MACROD2: variants seen among roughly 807,000 people sequenced by gnomAD.
MACROD2 encodes the protein mono-ADP ribosylhydrolase 2.
In MACROD2, 36 loss-of-function variants were observed where a neutral mutation model predicts 70.4. That is an observed-to-expected ratio of 0.51 (90% confidence interval 0.39 to 0.68). MACROD2 has a LOEUF of 0.68. Among genes scored for constraint, MACROD2 ranks in the 30% least tolerant of loss-of-function variants. The probability of loss-of-function intolerance (pLI) is 0.00; values close to 1 mark genes in which losing one functional copy is unlikely to be tolerated. For synonymous variants in MACROD2, 172 were observed against 178.8 expected (o/e 0.96, Z 0.30); for missense variants, 496 against 538.4 (o/e 0.92, Z 0.78).
intron 6 of MACROD2, among the ~76,000 whole-genome samples, chr20:15,348,047 C>T (rs2078185777): frequency 6.6e-6 from 1 of 152,212 alleles, no homozygotes. Context: ...CACAATCTTT[C>T]CATCTACCTC....
chr20:14,191,074 G>A (rs1225886612), intron 3 of MACROD2, among the ~76,000 whole-genome samples: 1 of 151,392 alleles, frequency 6.6e-6, no homozygotes, highest in Non-Finnish European at 1.5e-5. Context: ...AAATCTCAGA[G>A]GCACATTACA....
At chr20:15,890,927 G>A (rs761473656) in intron 10 of MACROD2, among the ~76,000 whole-genome samples, 2 of 152,142 alleles carry the variant, frequency 1.3e-5, no homozygotes, top group Non-Finnish European at 2.9e-5. Context: ...AATTTGAAAT[G>A]AAATTCTCAA....
intron 4 of MACROD2, among the ~76,000 whole-genome samples, chr20:14,570,700 T>C (rs1421415767): frequency 1.3e-5 from 2 of 152,018 alleles, no homozygotes; most frequent in African/African-American, 2.4e-5. Context: ...TTTCAAACTT[T>C]CCTGATCCTT....
intron 8 of MACROD2, among the ~76,000 whole-genome samples, chr20:15,602,470 G>A (rs532592209): frequency 2.6e-5 from 4 of 152,284 alleles, no homozygotes; most frequent in African/African-American, 7.2e-5. Flanking sequence ...CTTTCTGCAT[G>A]CATATCTTCA....
At chr20:14,184,509 GT>G (rs927074670) in intron 3 of MACROD2, among the ~76,000 whole-genome samples, 66 of 142,744 alleles carry the variant, frequency 4.6e-4, no homozygotes, top group South Asian at 4.4e-4. Flanking sequence ...AGGCTATTTG[GT>G]TTTTTTTTTT....
rs542446649 is a variant in MACROD2 at position 14,259,685 on chromosome 20, T to TGGGGATGCAGACAAGA, written c.271+173958_271+173973dup. On this transcript the variant is annotated intron_variant, in intron 3 of 17. Coordinates refer to ENST00000684519, the MANE Select transcript of MACROD2 (RefSeq NM_001351661.2). ...TTTCTTCAGGGAGCTGCTGGCCTAA[T>TGGGGATGCAGACAAGA]GGGGATGCAGACAAGAAGAAAGAGA... 2.0e-3 allele frequency among the ~76,000 whole-genome samples: 308 copies of TGGGGATGCAGACAAGA among 152,294 alleles called. 1 individual carries two copies. The highest frequency in any genetic ancestry group is 7.1e-3 in the African/African-American group (297 of 41,574).
At chr20:14,763,256 A>T (rs1411477860) in intron 5 of MACROD2, among the ~76,000 whole-genome samples, 3 of 152,158 alleles carry the variant, frequency 2.0e-5, no homozygotes, top group Non-Finnish European at 4.4e-5. Context: ...AAAGGTATTC[A>T]CAACATACAG....
chr20:15,472,604 T>A (rs2046976027), intron 7 of MACROD2, among the ~76,000 whole-genome samples: 1 of 152,196 alleles, frequency 6.6e-6, no homozygotes, highest in African/African-American at 2.4e-5. Flanking sequence ...TGTTCCCACA[T>A]GTAATTTGTT....
In MACROD2 at chr20:16,050,182, A is replaced by G. The variant is rs564744055; in HGVS notation, c.*306A>G. The G allele has an allele frequency of 2.9e-5, 8 of 271,598 alleles. No individual in the cohort carries two copies. In the East Asian group the frequency reaches 6.8e-4, roughly 23 times the overall value. 16.8% of individuals were successfully genotyped at this position (271,598 alleles called of 1,614,324 possible). A position where few individuals can be genotyped will look rare whatever the true frequency, so the allele number is the denominator to read the frequency against. On this transcript the variant is annotated 3_prime_UTR_variant, in exon 18 of 18. Transcript: ENST00000684519. ...CCCCAGGGTCACAGTGGCTTGATTG[A>G]ACACTCACATGTGTATCCTGGCCCC...
intron 7 of MACROD2, among the ~76,000 whole-genome samples, chr20:15,442,814 G>A (rs915184899): frequency 2.0e-5 from 3 of 152,240 alleles, no homozygotes; most frequent in South Asian, 4.1e-4. Flanking sequence ...TCAGCCACCC[G>A]TAATGGGTAC....
At chr20:15,602,593 A>T (rs1208327086) in intron 8 of MACROD2, among the ~76,000 whole-genome samples, 1 of 152,158 alleles carries the variant, frequency 6.6e-6, no homozygotes, top group Non-Finnish European at 1.5e-5. Flanking sequence ...CCCAGGATCT[A>T]TGAAGAATGT....
chr20:14,771,737 TACACACACACACACAC>T (rs11472593), intron 5 of MACROD2, among the ~76,000 whole-genome samples: 1 of 145,560 alleles, frequency 6.9e-6, no homozygotes, highest in Admixed American at 6.9e-5. Flanking sequence ...ATACTTATCC[TACACACACACACACAC>T]ACACACACAC....
chr20:15,987,432 A>T (rs1398934277), intron 15 of MACROD2, among the ~76,000 whole-genome samples: 1 of 152,192 alleles, frequency 6.6e-6, no homozygotes, highest in African/African-American at 2.4e-5. Context: ...CAGTATTGAG[A>T]AAGCCTATAA....
chr20:14,116,930 G>A (rs1203077265), intron 3 of MACROD2, among the ~76,000 whole-genome samples: 1 of 152,004 alleles, frequency 6.6e-6, no homozygotes. Context: ...AGCCAGTTGT[G>A]GTGGCATGCA....
Position 14,134,577 on chromosome 20 carries a change from C to T in MACROD2, c.271+48849C>T, listed in dbSNP as rs1294670564. On this transcript the variant is annotated intron_variant, in intron 3 of 17. Transcript: ENST00000684519. ...ATCCCAGCACTTTGGGAGGCCGAGG[C>T]GGACAAATCATGAGTTCAGGAGATC... 2.6e-5 allele frequency among the ~76,000 whole-genome samples: 4 copies of T among 151,998 alleles called. No individual in the cohort carries two copies. In the East Asian group the frequency reaches 7.7e-4, roughly 29 times the overall value.
At chr20:15,366,034 T>C (rs972836720) in intron 6 of MACROD2, among the ~76,000 whole-genome samples, 1 of 152,170 alleles carries the variant, frequency 6.6e-6, no homozygotes, top group East Asian at 1.9e-4. Flanking sequence ...AATAGAGATA[T>C]AGGAATGTAA....
intron 3 of MACROD2, among the ~76,000 whole-genome samples, chr20:14,216,428 T>G (rs568939704): frequency 7.2e-4 from 110 of 152,336 alleles, no homozygotes; most frequent in African/African-American, 2.5e-3. Flanking sequence ...TAGTTTGAAA[T>G]CAGGTTGTGT....
At chr20:14,032,063 G>A (rs145934576) in intron 2 of MACROD2, among the ~76,000 whole-genome samples, 9 of 151,920 alleles carry the variant, frequency 5.9e-5, no homozygotes, top group Admixed American at 5.2e-4. Flanking sequence ...ATAGTATTTT[G>A]TTAGCTTTTA....
chr20:15,640,833 G>A (rs1331549141), intron 8 of MACROD2, among the ~76,000 whole-genome samples: 2 of 152,252 alleles, frequency 1.3e-5, no homozygotes, highest in African/African-American at 2.4e-5. Context: ...AGACCCGGGT[G>A]GGCTATCCTG....
Sources: allele counts gnomAD v4.1 joint callset (sites outside exome capture counted in the v4.1 genomes callset), GRCh38; gene constraint gnomAD v4.1.1; transcripts MANE v1.5; gene names NCBI Gene and HGNC (gene_info 2026-07-23, HGNC 2026-07-21).